The following CDH8 variants were observed in gnomAD, a reference collection of about 807,000 sequenced individuals.
The protein encoded by CDH8 is cadherin-8.
In CDH8, 17 loss-of-function variants were observed where a neutral mutation model predicts 68.1. That is an observed-to-expected ratio of 0.25 (90% confidence interval 0.17 to 0.37). The LOEUF (loss-of-function observed/expected upper bound fraction) is 0.37. CDH8 is among the 10% of genes least tolerant of loss of function. The pLI, the probability that CDH8 is intolerant of heterozygous loss-of-function variation, is 1.00. For missense variants in CDH8, 763 were observed against 999.3 expected, an observed-to-expected ratio of 0.76 and a Z score of 3.19; for synonymous variants, 372 against 365.1, an observed-to-expected ratio of 1.02 and a Z score of -0.21.
At chr16:61,695,442 T>C (rs1412882317) in intron 10 of CDH8, among the ~76,000 whole-genome samples, 2 of 152,192 alleles carry the variant, frequency 1.3e-5, no homozygotes, top group Non-Finnish European at 2.9e-5. Context: ...TTTCAACTAG[T>C]TCATGACCTT....
At chr16:61,739,884 C>CATATATATAT (rs35095367) in intron 8 of CDH8, among the ~76,000 whole-genome samples, 1,564 of 101,256 alleles carry the variant, frequency 0.015, 21 homozygotes, top group East Asian at 0.026. Flanking sequence ...CAACATATTC[C>CATATATATAT]ATATATATAT....
chr16:61,725,123 C>T (rs757292192), intron 9 of CDH8: 1 of 150,866 alleles, frequency 6.6e-6, no homozygotes, highest in African/African-American at 2.4e-5. Flanking sequence ...AATGGTGTAG[C>T]ACACATACAC....
At chr16:61,812,860 A>AT (rs1171005176) in intron 7 of CDH8, among the ~76,000 whole-genome samples, 3 of 152,190 alleles carry the variant, frequency 2.0e-5, no homozygotes, top group Non-Finnish European at 2.9e-5. Flanking sequence ...TTTACGTGCT[A>AT]TATCACTAAG....
At chr16:61,726,893 G>A in intron 9 of CDH8, 1 of 555,938 alleles carries the variant, frequency 1.8e-6, no homozygotes, top group Non-Finnish European at 3.1e-6. Context: ...TCCACTTTAG[G>A]AGCCAATTTG....
At chr16:61,802,124 CG>C (rs537991229) in intron 7 of CDH8, among the ~76,000 whole-genome samples, 2,182 of 134,316 alleles carry the variant, frequency 0.016, 67 homozygotes, top group African/African-American at 0.064. Flanking sequence ...GATCTGAGAA[CG>C]GGCAGACTGC....
intron 8 of CDH8, among the ~76,000 whole-genome samples, chr16:61,729,443 C>T (rs1179991384): frequency 6.6e-6 from 1 of 151,142 alleles, no homozygotes; most frequent in Non-Finnish European, 1.5e-5. Context: ...AGGGGTTGTA[C>T]CATCATGAAG....
chr16:61,739,734 AAAAAG>A (rs529131501), intron 8 of CDH8, among the ~76,000 whole-genome samples: 20,984 of 141,880 alleles, frequency 0.15, 1,763 homozygotes, highest in Non-Finnish European at 0.18. Flanking sequence ...CCTCAAAAAA[AAAAAG>A]AAAAGAAAAG....
rs543643455 is a variant in CDH8 at position 61,744,909 on chromosome 16, AAC to A, written c.1415-17696_1415-17695del. Among the ~76,000 whole-genome samples, 23 of 151,554 alleles carry A rather than the reference AAC, an allele frequency of 1.5e-4. 1 individual carries two copies. The South Asian group carries it at 4.6e-3, about 30-fold the overall frequency. ...AATTCTACCTCAACTTTATACATGT[AAC>A]ACATTCTAATTATATTAAGTAGTAT... On this transcript the variant is annotated intron_variant, in intron 8 of 11. Coordinates refer to ENST00000577390, the MANE Select transcript of CDH8 (RefSeq NM_001796.5).
chr16:61,961,382 C>T (rs1034344964), intron 2 of CDH8, among the ~76,000 whole-genome samples: 6 of 152,086 alleles, frequency 3.9e-5, no homozygotes, highest in Non-Finnish European at 8.8e-5. Flanking sequence ...GCAGCGAATC[C>T]CTGTCAAACA....
chr16:61,783,359 A>C (rs2142992883), intron 8 of CDH8, among the ~76,000 whole-genome samples: 1 of 144,324 alleles, frequency 6.9e-6, no homozygotes, highest in African/African-American at 2.6e-5. Flanking sequence ...GAAATGAATG[A>C]AATGAAGCGA....
intron 2 of CDH8, among the ~76,000 whole-genome samples, chr16:61,987,747 A>T (rs1370257565): frequency 1.5e-5 from 2 of 135,246 alleles, no homozygotes; most frequent in African/African-American, 6.2e-5. Context: ...TTAGATTGGT[A>T]AAAAAAAAAA....
chr16:61,855,341 C>T (rs549367965), intron 4 of CDH8, among the ~76,000 whole-genome samples: 7 of 152,258 alleles, frequency 4.6e-5, no homozygotes, highest in Non-Finnish European at 8.8e-5. Context: ...AATCCTCTCA[C>T]TTAGCAGGGG....
chr16:61,648,673 A>G lies in CDH8; in HGVS notation c.*4935T>C, dbSNP rs1963256990. 6.6e-6 allele frequency: 1 copy of G among 151,970 alleles called. No homozygotes were observed. Among genetic ancestry groups the G allele is most frequent in the Non-Finnish European group, 1.5e-5 (1 of 67,916 alleles). 9.4% of individuals were successfully genotyped at this position (151,970 alleles called of 1,614,324 possible). Reference sequence around the variant, plus strand: ...GATTAGGTACATTTTATAAATAAAGAAAATAAGTTTGAGAATGCTACTGTA... The same window carrying G: ...GATTAGGTACATTTTATAAATAAAGGAAATAAGTTTGAGAATGCTACTGTA... On this transcript the variant is annotated 3_prime_UTR_variant, in exon 12 of 12. Coordinates refer to ENST00000577390, the MANE Select transcript of CDH8 (RefSeq NM_001796.5).
At position 61,788,679 on chromosome 16, in the gene CDH8, AG is replaced by A. The variant is rs561620322; in HGVS notation, c.1414+666del. On this transcript the variant is annotated intron_variant, in intron 8 of 11. Transcript: ENST00000577390. ...ATTATAGTTTTATCAAGTGCAAAGA[AG>A]AAAAAAAAGTCAATAAAAAGATTAA... is the stretch of plus-strand genomic sequence containing the variant. 2.9e-4 allele frequency among the ~76,000 whole-genome samples: 44 copies of A among 152,132 alleles called. No individual in the cohort carries two copies. The South Asian group carries it at 4.6e-3, about 16-fold the overall frequency.
rs199737004 is a variant in CDH8 at position 61,802,660 on chromosome 16, G to A, written c.1278-13178C>T. On this transcript the variant is annotated intron_variant, in intron 7 of 11. Transcript: ENST00000577390. ...CTGAAAACCAAGGCTCGAGAACTAC[G>A]TGAAGAATGCAGAAGCCTCAGGAGC... Among the ~76,000 whole-genome samples, 34 of 102,288 alleles carry A rather than the reference G, an allele frequency of 3.3e-4. No individual in the cohort carries two copies. The East Asian group carries it at 7.3e-3, about 22-fold the overall frequency. 67.1% of individuals were successfully genotyped at this position (102,288 alleles called of 152,430 possible).
At chr16:61,734,079 T>G (rs1378332885) in intron 8 of CDH8, among the ~76,000 whole-genome samples, 1 of 152,064 alleles carries the variant, frequency 6.6e-6, no homozygotes, top group Non-Finnish European at 1.5e-5. Context: ...CAAACAGAGA[T>G]AAAGACTCTG....
At chr16:61,996,663 T>A (rs1965808885) in intron 2 of CDH8, among the ~76,000 whole-genome samples, 1 of 152,198 alleles carries the variant, frequency 6.6e-6, no homozygotes, top group Non-Finnish European at 1.5e-5. Flanking sequence ...ATAAAATGAT[T>A]TTCAAAACAC....
chr16:61,995,056 G>A lies in CDH8; in HGVS notation c.252+26096C>T, dbSNP rs191785681. On this transcript the variant is annotated intron_variant, in intron 2 of 11. Transcript: ENST00000577390. ...AAATTGCAAACAGGTGATTACTTGTGTGAAATCATGCTAGCTGTCTTGTTC... is the reference window on the plus strand; with the variant it reads ...AAATTGCAAACAGGTGATTACTTGTATGAAATCATGCTAGCTGTCTTGTTC... 3.3e-5 allele frequency among the ~76,000 whole-genome samples: 5 copies of A among 152,298 alleles called. No homozygotes were observed. The East Asian group carries it at 7.7e-4, about 24-fold the overall frequency.
At position 61,653,750 on chromosome 16, in the gene CDH8, C is replaced by G. The variant is rs1963379383; in HGVS notation, c.2258G>C (p.Gly753Ala). ...SIQIYGYEGR[G>A]SVAGSLSSLE... is the part of the protein sequence containing the mutation. ...GGAGCTGAGGGAGCCAGCCACTGAC[C>G]CTCGGCCTTCATAGCCATATATCTG... The change falls in exon 12 of 12, where the codon GGG becomes GCG. Residue 753 changes from glycine (G) to alanine (A), a missense_variant. Coordinates refer to ENST00000577390, the MANE Select transcript of CDH8 (RefSeq NM_001796.5). 4 of 1,614,154 alleles carry G rather than the reference C, an allele frequency of 2.5e-6. No individual in the cohort carries two copies. In the Admixed American group the frequency reaches 6.7e-5, roughly 27 times the overall value.
Sources: allele counts gnomAD v4.1 joint callset (sites outside exome capture counted in the v4.1 genomes callset), GRCh38; gene constraint gnomAD v4.1.1; transcripts MANE v1.5; gene names NCBI Gene and HGNC (gene_info 2026-07-23, HGNC 2026-07-21).